Variants in CCBE1 observed in about 807,000 individuals in gnomAD.
CCBE1 encodes collagen and calcium binding EGF domains 1.
In CCBE1, 37 loss-of-function variants were observed where a neutral mutation model predicts 50.0. That is an observed-to-expected ratio of 0.74 (90% confidence interval 0.57 to 0.97). CCBE1 has a LOEUF of 0.97. Among genes scored for constraint, CCBE1 ranks in the 50% least tolerant of loss-of-function variants. CCBE1 has a pLI of 0.00. For missense variants in CCBE1, 538 were observed against 523.8 expected (o/e 1.03, Z -0.26); for synonymous variants, 234 against 203.7 (o/e 1.15, Z -1.27).
chr18:59,468,556 G>A (rs1911864830), intron 4 of CCBE1, among the ~76,000 whole-genome samples: 1 of 152,126 alleles, frequency 6.6e-6, no homozygotes, highest in Admixed American at 6.5e-5. Flanking sequence ...GCATTGTGGG[G>A]CACCATTCCC....
Position 59,680,957 on chromosome 18 carries a change from A to G in CCBE1, c.212+15672T>C, listed in dbSNP as rs79676388. Among the ~76,000 whole-genome samples, 50 of 152,182 alleles carry G rather than the reference A, an allele frequency of 3.3e-4. No homozygotes were observed. The East Asian group carries it at 8.3e-3, about 25-fold the overall frequency. On this transcript the variant is annotated intron_variant, in intron 2 of 10. Transcript: ENST00000439986. ...TTTTTATTAAGCTGAGACTGCCTAA[A>G]TATGGAAAGGATGTTAATAAATACA...
chr18:59,627,068 T>C (rs2053794144), intron 2 of CCBE1, among the ~76,000 whole-genome samples: 1 of 152,220 alleles, frequency 6.6e-6, no homozygotes, highest in African/African-American at 2.4e-5. Flanking sequence ...CACTACTCTT[T>C]TGAATACTCT....
intron 2 of CCBE1, among the ~76,000 whole-genome samples, chr18:59,572,485 A>C (rs2052928718): frequency 6.6e-6 from 1 of 152,222 alleles, no homozygotes; most frequent in Admixed American, 6.5e-5. Flanking sequence ...GATTGATATG[A>C]TCATGCTTCC....
At chr18:59,553,890 T>C (rs2144423925) in intron 2 of CCBE1, among the ~76,000 whole-genome samples, 1 of 152,376 alleles carries the variant, frequency 6.6e-6, no homozygotes, top group East Asian at 1.9e-4. Flanking sequence ...TTACAAAGCA[T>C]GGCCAATAGC....
intron 2 of CCBE1, among the ~76,000 whole-genome samples, chr18:59,603,715 T>C (rs765285644): frequency 1.3e-5 from 2 of 152,218 alleles, no homozygotes; most frequent in Admixed American, 6.5e-5. Context: ...TATCTTTCTA[T>C]AAAGAGACAC....
chr18:59,616,219 G>GA (rs955956382), intron 2 of CCBE1, among the ~76,000 whole-genome samples: 7 of 152,254 alleles, frequency 4.6e-5, no homozygotes, highest in African/African-American at 1.7e-4. Context: ...CAGAGTGGGG[G>GA]AGAGAGATCA....
At chr18:59,576,626 C>A (rs942498929) in intron 2 of CCBE1, among the ~76,000 whole-genome samples, 1 of 152,162 alleles carries the variant, frequency 6.6e-6, no homozygotes, top group Non-Finnish European at 1.5e-5. Flanking sequence ...GCTTTTGCTG[C>A]CTCCCCTACA....
intron 2 of CCBE1, among the ~76,000 whole-genome samples, chr18:59,537,779 A>G (rs999947492): frequency 1.3e-5 from 2 of 152,194 alleles, no homozygotes; most frequent in African/African-American, 4.8e-5. Context: ...TTTCCATCTC[A>G]TTCAAACTTG....
chr18:59,583,541 G>A (rs2053118304), intron 2 of CCBE1, among the ~76,000 whole-genome samples: 1 of 152,104 alleles, frequency 6.6e-6, no homozygotes, highest in African/African-American at 2.4e-5. Flanking sequence ...AATGGCCAAT[G>A]CCCTTTTTCT....
intron 2 of CCBE1, among the ~76,000 whole-genome samples, chr18:59,498,599 G>A (rs72962173): frequency 0.06 from 9,188 of 152,274 alleles, 387 homozygotes; most frequent in Non-Finnish European, 0.093. Context: ...ACCAGACAGA[G>A]CAAAGCAGGC....
intron 2 of CCBE1, among the ~76,000 whole-genome samples, chr18:59,556,553 C>T (rs2052659669): frequency 6.6e-6 from 1 of 152,114 alleles, no homozygotes; most frequent in African/African-American, 2.4e-5. Context: ...CAGCTGGAAG[C>T]AGAGTCCCCG....
intron 2 of CCBE1, among the ~76,000 whole-genome samples, chr18:59,573,350 A>C (rs890267820): frequency 6.9e-6 from 1 of 145,414 alleles, no homozygotes; most frequent in African/African-American, 2.5e-5. Context: ...CCTTAAGAGC[A>C]AACACTGAGG....
intron 2 of CCBE1, among the ~76,000 whole-genome samples, chr18:59,511,020 G>T (rs1914109961): frequency 6.6e-6 from 1 of 152,190 alleles, no homozygotes; most frequent in African/African-American, 2.4e-5. Context: ...AGGACCTAGA[G>T]CCTATGTCTG....
chr18:59,520,809 A>C (rs1598974125), intron 2 of CCBE1, among the ~76,000 whole-genome samples: 1 of 152,328 alleles, frequency 6.6e-6, no homozygotes, highest in East Asian at 1.9e-4. Context: ...TCTTCTCTGA[A>C]ACATGTTTTT....
intron 2 of CCBE1, among the ~76,000 whole-genome samples, chr18:59,570,693 G>T (rs760042819): frequency 1.3e-5 from 2 of 152,170 alleles, no homozygotes; most frequent in Non-Finnish European, 2.9e-5. Flanking sequence ...GGTGGGGCAG[G>T]ACCTCCCAAG....
chr18:59,574,062 A>G (rs1337950429), intron 2 of CCBE1, among the ~76,000 whole-genome samples: 1 of 152,184 alleles, frequency 6.6e-6, no homozygotes, highest in Non-Finnish European at 1.5e-5. Flanking sequence ...CGAGGCATAA[A>G]TGGAATAGCA....
rs555480858 is a variant in CCBE1, at chr18:59,589,426, T to C, written c.212+107203A>G. ...TCACTGATAGCACCACAAAAGACTA[T>C]TTCAACCAATATCACACGATAATAT... On this transcript the variant is annotated intron_variant, in intron 2 of 10. Coordinates refer to ENST00000439986, the MANE Select transcript of CCBE1 (RefSeq NM_133459.4). Among the ~76,000 whole-genome samples the C allele has an allele frequency of 5.3e-5, 8 of 152,312 alleles. No homozygotes were observed. In the East Asian group the frequency reaches 1.5e-3, roughly 29 times the overall value.
Position 59,697,416 on chromosome 18 carries a change from C to T in CCBE1, c.-74G>A. The T allele has an allele frequency of 6.6e-7, 1 of 1,505,254 alleles. No homozygotes were observed. The highest frequency in any genetic ancestry group is 8.9e-7 in the Non-Finnish European group (1 of 1,129,208). 93.2% of individuals were successfully genotyped at this position (1,505,254 alleles called of 1,614,324 possible). Reference sequence around the variant, plus strand: ...GCGTCCTGCTCCTCCGCGGCCGCCGCCGCCTTCCCTCTTCCCGGCAGGGGG... The same window carrying T: ...GCGTCCTGCTCCTCCGCGGCCGCCGTCGCCTTCCCTCTTCCCGGCAGGGGG... On this transcript the variant is annotated 5_prime_UTR_variant, in exon 1 of 11. Transcript: ENST00000439986.
intron 2 of CCBE1, among the ~76,000 whole-genome samples, chr18:59,500,345 G>A (rs534773740): frequency 1.3e-5 from 2 of 152,182 alleles, no homozygotes; most frequent in South Asian, 2.1e-4. Context: ...CAGAAAAGTT[G>A]ACCCTCAAAG....
Sources: gnomAD v4.1 joint callset for allele counts (sites outside exome capture counted in the v4.1 genomes callset) on GRCh38, gnomAD v4.1.1 for gene constraint, MANE v1.5 for transcripts, NCBI Gene and HGNC (gene_info 2026-07-23, HGNC 2026-07-21) for gene names.